The following ERAP2 variants were observed in gnomAD, a reference collection of about 807,000 sequenced individuals.
The protein encoded by ERAP2 is leukocyte-derived arginine aminopeptidase.
ERAP2 carries 118 observed loss-of-function variants against 111.1 expected under a neutral mutation model. The observed-to-expected ratio is 1.06, with a 90% CI of 0.92 to 1.24. The LOEUF is 1.24. ERAP2 is among the 50% of genes most tolerant of loss of function. The pLI, the probability that ERAP2 is intolerant of heterozygous loss-of-function variation, is 0.00. For synonymous variants in ERAP2, 410 were observed against 401.2 expected (o/e 1.02, Z -0.26); for missense variants, 1,131 against 1,125.8 (o/e 1.00, Z -0.07).
At position 96,886,692 on chromosome 5, in the gene ERAP2, A is replaced by C; in HGVS notation, c.752A>C (p.Asp251Ala). 1 of 1,553,622 alleles carries C rather than the reference A, an allele frequency of 6.4e-7. No individual in the cohort carries two copies. ...TIELEGGLLE[D>A]HFETTVKMST... The stretch of plus-strand genomic sequence containing the variant: ...GAACTTGAAGGAGGTCTTTTGGAAG[A>C]TCACTTTGAAACTACTGTAAAAATG... Residue 251 changes from aspartate to alanine, a missense_variant, in exon 4 of 19, where the codon GAT becomes GCT. Asp to Ala is a moderately radical substitution (Grantham distance 126). Around this residue, in one of 3 missense-constraint regions of ERAP2, gnomAD observed 847 missense variants for 856.5 expected, o/e 0.99. Transcript: ENST00000437043.
intron 3 of ERAP2, 24 bp from the exon 4 acceptor site, chr5:96,886,631 G>T: frequency 6.7e-7 from 1 of 1,483,868 alleles, no homozygotes; most frequent in South Asian, 1.4e-5. Context: ...TTCAAGTACT[G>T]ATTATTCCTT....
At chr5:96,881,882 C>A (rs186772255) in intron 2 of ERAP2, among the ~76,000 whole-genome samples, 1 of 152,322 alleles carries the variant, frequency 6.6e-6, no homozygotes, top group African/African-American at 2.4e-5. Context: ...ATAGCCTCAC[C>A]AAGTCACAAG....
intron 6 of ERAP2, among the ~76,000 whole-genome samples, chr5:96,894,089 ACCT>A (rs1784635901): frequency 6.6e-6 from 1 of 151,662 alleles, no homozygotes; most frequent in African/African-American, 2.4e-5. Context: ...CTACTGGTTG[ACCT>A]CCATCATTTG....
intron 13 of ERAP2, among the ~76,000 whole-genome samples, chr5:96,904,310 G>T (rs1785801572): frequency 6.6e-6 from 1 of 152,204 alleles, no homozygotes; most frequent in African/African-American, 2.4e-5. Flanking sequence ...GGACCAGGAA[G>T]TATATTGTGC....
At chr5:96,909,982 C>G (rs1786538148) in intron 15 of ERAP2, 2 of 451,228 alleles carry the variant, frequency 4.4e-6, no homozygotes, top group Non-Finnish European at 8.0e-6. Context: ...TATTCCGGTG[C>G]TGGCTGGATG....
At chr5:96,907,654 G>A (rs1786244604) in intron 13 of ERAP2, among the ~76,000 whole-genome samples, 2 of 151,962 alleles carry the variant, frequency 1.3e-5, no homozygotes, top group Admixed American at 1.3e-4. Flanking sequence ...GGCCGAGGCG[G>A]GTGGATCACC....
chr5:96,884,618 C>T (rs557642525), intron 3 of ERAP2, among the ~76,000 whole-genome samples: 20 of 152,204 alleles, frequency 1.3e-4, no homozygotes, highest in African/African-American at 4.6e-4. Context: ...AGTGCAATGG[C>T]GTGATCTCGG....
In ERAP2 at chr5:96,883,826, G is replaced by A; in HGVS notation, c.610G>A (p.Ala204Thr). 1 of 1,613,088 alleles carries A rather than the reference G, an allele frequency of 6.2e-7. No individual in the cohort carries two copies. Among genetic ancestry groups the A allele is most frequent in the Non-Finnish European group, 8.5e-7 (1 of 1,179,670 alleles). Reference sequence around the variant, plus strand: ...AGTAACAGATTTTGAGCCAACCCAGGCACGCATGGCTTTCCCTTGCTTTGA... The same window carrying A: ...AGTAACAGATTTTGAGCCAACCCAGACACGCATGGCTTTCCCTTGCTTTGA... ...LAVTDFEPTQ[A>T]RMAFPCFDEP... is the part of the protein sequence containing the mutation. The change falls in exon 3 of 19, where the codon GCA (alanine) becomes ACA (threonine). Residue 204 changes from alanine to threonine, a missense_variant. Coordinates refer to ENST00000437043, the MANE Select transcript of ERAP2 (RefSeq NM_022350.5).
At chr5:96,876,800 A>T (rs1226792772) in intron 1 of ERAP2, among the ~76,000 whole-genome samples, 1 of 151,924 alleles carries the variant, frequency 6.6e-6, no homozygotes, top group Non-Finnish European at 1.5e-5. Flanking sequence ...CAATCCCAGG[A>T]TGTTTTGTTC....
At chr5:96,877,102 G>A (rs1782611603) in intron 1 of ERAP2, among the ~76,000 whole-genome samples, 1 of 152,156 alleles carries the variant, frequency 6.6e-6, no homozygotes. Context: ...AGCCTCCCGA[G>A]TAGCTAGGAC....
rs1223682307 is a variant in ERAP2, at chr5:96,912,752, A to C, written c.2470A>C (p.Ile824Leu). The C allele has an allele frequency of 1.2e-6, 2 of 1,601,250 alleles. No individual in the cohort carries two copies. Among genetic ancestry groups the C allele is most frequent in the African/African-American group, 1.4e-5 (1 of 74,016 alleles). ...AATGTCAAGTGCTGAACAAAACAAA[A>C]TTCTGTATGCTTTGTCAACGAGCAA... Reference protein sequence around the residue: ...LSMSSAEQNKILYALSTSKHQ... With the variant: ...LSMSSAEQNKLLYALSTSKHQ... Residue 824 changes from isoleucine to leucine, a missense_variant, in exon 16 of 19, where the codon ATT becomes CTT. Ile to Leu is a conservative substitution (Grantham distance 5, BLOSUM62 2). Transcript: ENST00000437043.
chr5:96,885,009 A>T (rs978529141), intron 3 of ERAP2, among the ~76,000 whole-genome samples: 2 of 152,004 alleles, frequency 1.3e-5, no homozygotes, highest in Non-Finnish European at 1.5e-5. Flanking sequence ...TACCCCATAC[A>T]CGTCTATTTA....
At position 96,880,103 on chromosome 5, in the gene ERAP2, T is replaced by C. The variant is rs749019753; in HGVS notation, c.418T>C (p.Leu140=). 28 of 1,614,040 alleles carry C rather than the reference T, an allele frequency of 1.7e-5. No individual in the cohort carries two copies. Among genetic ancestry groups the C allele is most frequent in the Non-Finnish European group, 2.4e-5 (28 of 1,180,036 alleles). The part of the protein sequence containing the change: ...YMKPGKELKV[L]SYPAHEQIAL... Reference sequence around the variant, plus strand: ...GAAACCAGGAAAAGAACTGAAAGTTTTGAGTTACCCTGCTCATGAACAAAT... The same window carrying C: ...GAAACCAGGAAAAGAACTGAAAGTTCTGAGTTACCCTGCTCATGAACAAAT... Residue 140 remains leucine (L), a synonymous_variant, in exon 2 of 19, where the codon TTG becomes CTG. Coordinates refer to ENST00000437043, the MANE Select transcript of ERAP2 (RefSeq NM_022350.5).
intron 4 of ERAP2, among the ~76,000 whole-genome samples, chr5:96,887,104 C>T (rs9686078): frequency 0.25 from 7,129 of 28,486 alleles, 434 homozygotes; most frequent in African/African-American, 0.38. Flanking sequence ...TATATATACA[C>T]ACACACACAC....
chr5:96,909,077 T>A lies in ERAP2; in HGVS notation c.2129T>A (p.Met710Lys), dbSNP rs776839217. ...LSYLESFYHM[M>K]DRRNISDISE... ...TACTTGGAATCGTTTTACCACATGA[T>A]GGACAGAAGGAATATTTCAGATATC... is the stretch of plus-strand genomic sequence containing the variant. Residue 710 changes from methionine (M) to lysine (K), a missense_variant, in exon 14 of 19, where the codon ATG becomes AAG. Met to Lys is a moderately conservative substitution (Grantham distance 95). Transcript: ENST00000437043. 1 of 1,614,172 alleles carries A rather than the reference T, an allele frequency of 6.2e-7. No homozygotes were observed. The highest frequency in any genetic ancestry group is 8.5e-7 in the Non-Finnish European group (1 of 1,179,982).
chr5:96,909,515 A>G, intron 14 of ERAP2, 65 bp from the exon 15 acceptor site: 1 of 1,299,352 alleles, frequency 7.7e-7, no homozygotes, highest in East Asian at 2.3e-5. Flanking sequence ...AGCCCTTTAG[A>G]TGGGCAAGAA....
chr5:96,886,030 A>G (rs971874244), intron 3 of ERAP2, among the ~76,000 whole-genome samples: 3 of 152,246 alleles, frequency 2.0e-5, no homozygotes, highest in Non-Finnish European at 2.9e-5. Context: ...GCTGTCACGC[A>G]GCAAGTGAGA....
At chr5:96,903,968 A>G (rs1785764371) in intron 13 of ERAP2, among the ~76,000 whole-genome samples, 1 of 152,212 alleles carries the variant, frequency 6.6e-6, no homozygotes, top group Non-Finnish European at 1.5e-5. Context: ...TGGACTCTCT[A>G]AGTATTTGAG....
chr5:96,909,788 C>T (rs747544500), intron 15 of ERAP2, 24 bp downstream of exon 15: 1 of 1,604,788 alleles, frequency 6.2e-7, no homozygotes, highest in East Asian at 2.2e-5. Context: ...TCTGTCCTAC[C>T]CTTTGTTCTT....
Sources: gnomAD v4.1 joint callset for allele counts (sites outside exome capture counted in the v4.1 genomes callset) on GRCh38, gnomAD v4.1.1 for gene constraint, gnomAD v4.1.1 regional missense constraint, MANE v1.5 for transcripts, NCBI Gene and HGNC (gene_info 2026-07-23, HGNC 2026-07-21) for gene names.